The following GLIS3 variants were observed in gnomAD, a reference collection of about 807,000 sequenced individuals.
GLIS3 encodes zinc finger protein GLIS3.
Under a neutral mutation model 78.6 loss-of-function variants are expected in GLIS3, and 53 were observed. That is an observed-to-expected ratio of 0.67 (90% CI 0.54 to 0.85). The LOEUF (loss-of-function observed/expected upper bound fraction) is 0.85, where lower values mean the gene tolerates loss of function less well. GLIS3 is among the 40% of genes least tolerant of loss of function. The pLI, the probability that GLIS3 is intolerant of heterozygous loss-of-function variation, is 0.00. For missense variants in GLIS3, 1,703 were observed against 1,231.1 expected (o/e 1.38, Z -5.74); for synonymous variants, 684 against 509.9 (o/e 1.34, Z -4.60).
At chr9:4,069,893 C>G (rs1165540186) in intron 4 of GLIS3, among the ~76,000 whole-genome samples, 1 of 151,958 alleles carries the variant, frequency 6.6e-6, no homozygotes, top group Non-Finnish European at 1.5e-5. Context: ...GAATTTCCAT[C>G]TGGAAGCGGA....
At chr9:4,238,210 G>A (rs1339260682) in intron 2 of GLIS3, among the ~76,000 whole-genome samples, 1 of 152,114 alleles carries the variant, frequency 6.6e-6, no homozygotes, top group Non-Finnish European at 1.5e-5. Flanking sequence ...CTGAGAGACC[G>A]AAACAATGTG....
At chr9:4,182,431 A>G (rs191145053) in intron 2 of GLIS3, among the ~76,000 whole-genome samples, 151 of 152,328 alleles carry the variant, frequency 9.9e-4, no homozygotes, top group African/African-American at 3.6e-3. Flanking sequence ...TAAATTATGG[A>G]ACACTATGTA....
At chr9:3,986,898 T>C (rs1819783103) in intron 4 of GLIS3, among the ~76,000 whole-genome samples, 1 of 152,144 alleles carries the variant, frequency 6.6e-6, no homozygotes, top group Admixed American at 6.5e-5. Flanking sequence ...ACATATGAAA[T>C]GTGCAGGATA....
the GLIS3 span, among the ~76,000 whole-genome samples, chr9:4,429,216 G>A: frequency 2.0e-5 from 3 of 151,916 alleles, no homozygotes; most frequent in Non-Finnish European, 2.9e-5. Flanking sequence ...CCTACCCCTC[G>A]CTGAAATCTT....
the GLIS3 span, among the ~76,000 whole-genome samples, chr9:4,471,063 T>C: frequency 6.6e-6 from 1 of 151,984 alleles, no homozygotes; most frequent in Non-Finnish European, 1.5e-5. Context: ...GTGAAGGACC[T>C]CTTCAAGGAG....
chr9:4,144,284 C>A (rs1399458081), intron 2 of GLIS3, among the ~76,000 whole-genome samples: 1 of 152,174 alleles, frequency 6.6e-6, no homozygotes, highest in Non-Finnish European at 1.5e-5. Flanking sequence ...TGTTTTTTGA[C>A]ACGTAGCCTT....
chr9:4,041,971 T>A (rs1051242230), intron 4 of GLIS3, among the ~76,000 whole-genome samples: 1 of 152,206 alleles, frequency 6.6e-6, no homozygotes, highest in Non-Finnish European at 1.5e-5. Context: ...TGATTTTGCA[T>A]GTCCTGAACC....
intron 4 of GLIS3, among the ~76,000 whole-genome samples, chr9:3,952,723 G>C (rs1488022375): frequency 6.6e-6 from 1 of 152,122 alleles, no homozygotes; most frequent in Non-Finnish European, 1.5e-5. Context: ...TCTGAAACAA[G>C]AATATACCAA....
the GLIS3 span, among the ~76,000 whole-genome samples, chr9:4,468,778 A>C: frequency 1.3e-5 from 2 of 152,212 alleles, no homozygotes; most frequent in East Asian, 3.8e-4. Context: ...TCAAATTCAC[A>C]CATAACAATA....
At chr9:3,939,996 A>G (rs1826113924) in intron 4 of GLIS3, among the ~76,000 whole-genome samples, 1 of 152,224 alleles carries the variant, frequency 6.6e-6, no homozygotes, top group Non-Finnish European at 1.5e-5. Context: ...CGAAAGAGAA[A>G]GGAGGTGCTG....
intron 2 of GLIS3, among the ~76,000 whole-genome samples, chr9:4,140,261 C>A (rs1404531042): frequency 1.3e-5 from 2 of 152,070 alleles, no homozygotes; most frequent in African/African-American, 4.8e-5. Context: ...GAGGTCAAGG[C>A]TGCAGTGAGC....
At chr9:3,930,888 TG>T (rs1825567661) in intron 6 of GLIS3, among the ~76,000 whole-genome samples, 1 of 145,136 alleles carries the variant, frequency 6.9e-6, no homozygotes, top group Non-Finnish European at 1.5e-5. Context: ...TATATATAGA[TG>T]ATAACAAAAA....
intron 2 of GLIS3, among the ~76,000 whole-genome samples, chr9:4,246,624 G>A (rs1235162591): frequency 6.6e-6 from 1 of 152,142 alleles, no homozygotes; most frequent in Non-Finnish European, 1.5e-5. Flanking sequence ...CTGGAGTTCA[G>A]TATCCCCACT....
At chr9:3,967,268 C>G (rs910958188) in intron 4 of GLIS3, among the ~76,000 whole-genome samples, 1 of 152,134 alleles carries the variant, frequency 6.6e-6, no homozygotes, top group East Asian at 1.9e-4. Context: ...CTTTGGGAGA[C>G]CGAGGCGGGC....
At chr9:4,145,991 A>G (rs1318826559) in intron 2 of GLIS3, among the ~76,000 whole-genome samples, 1 of 152,256 alleles carries the variant, frequency 6.6e-6, no homozygotes, top group Non-Finnish European at 1.5e-5. Context: ...ATTGAGACAA[A>G]GCACAACATT....
the GLIS3 span, among the ~76,000 whole-genome samples, chr9:4,359,520 C>T: frequency 6.6e-6 from 1 of 152,174 alleles, no homozygotes; most frequent in Non-Finnish European, 1.5e-5. Context: ...GTGATTCCCT[C>T]TCATCTGCAG....
chr9:4,113,035 A>C (rs891874957), intron 4 of GLIS3, among the ~76,000 whole-genome samples: 7 of 152,046 alleles, frequency 4.6e-5, no homozygotes, highest in African/African-American at 1.4e-4. Context: ...TTATTTATCT[A>C]CCAGAACTAT....
chr9:4,293,640 G>A (rs932480694), intron 1 of GLIS3, among the ~76,000 whole-genome samples: 2 of 151,644 alleles, frequency 1.3e-5, no homozygotes, highest in Non-Finnish European at 2.9e-5. Flanking sequence ...AACTAGCCCT[G>A]GCATCTGGTT....
At chr9:3,968,848 T>C (rs1818158294) in intron 4 of GLIS3, among the ~76,000 whole-genome samples, 2 of 152,176 alleles carry the variant, frequency 1.3e-5, no homozygotes, top group African/African-American at 4.8e-5. Flanking sequence ...ATTTGGTACA[T>C]TTAGGGAGTT....
Sources: gnomAD v4.1 joint callset for allele counts (sites outside exome capture counted in the v4.1 genomes callset) on GRCh38, gnomAD v4.1.1 for gene constraint, MANE v1.5 for transcripts, NCBI Gene and HGNC (gene_info 2026-07-23, HGNC 2026-07-21) for gene names.